Variants in VMP1 observed in about 807,000 individuals in gnomAD.
VMP1 encodes vacuole membrane protein 1.
In VMP1, 11 loss-of-function variants were observed where a neutral mutation model predicts 56.0. The observed-to-expected ratio is 0.20, with a 90% CI of 0.12 to 0.32. VMP1 has a LOEUF of 0.32. Among genes scored for constraint, VMP1 ranks in the 10% least tolerant of loss-of-function variants. VMP1 has a pLI of 1.00. For missense variants in VMP1, 296 were observed against 490.3 expected, an observed-to-expected ratio of 0.60 and a Z score of 3.74; for synonymous variants, 149 against 165.0, an observed-to-expected ratio of 0.90 and a Z score of 0.74.
chr17:59,733,588 GCTA>G (rs1174891186), intron 2 of VMP1, among the ~76,000 whole-genome samples: 2 of 152,022 alleles, frequency 1.3e-5, no homozygotes, highest in African/African-American at 4.8e-5. Context: ...TGTGATCCCA[GCTA>G]CTCGGGAAGC....
intron 5 of VMP1, among the ~76,000 whole-genome samples, chr17:59,759,263 A>G (rs570588725): frequency 6.6e-6 from 1 of 152,300 alleles, no homozygotes; most frequent in African/African-American, 2.4e-5. Flanking sequence ...AACCCCAGCT[A>G]CTTGGGAGGC....
At chr17:59,818,149 T>G (rs1024262799) in intron 10 of VMP1, among the ~76,000 whole-genome samples, 2 of 152,136 alleles carry the variant, frequency 1.3e-5, no homozygotes, top group Non-Finnish European at 2.9e-5. Flanking sequence ...CCAAACTAGA[T>G]GCCAGATACA....
At chr17:59,750,806 A>G (rs1179188907) in intron 5 of VMP1, among the ~76,000 whole-genome samples, 1 of 152,124 alleles carries the variant, frequency 6.6e-6, no homozygotes, top group East Asian at 1.9e-4. Flanking sequence ...TCTACCTTGA[A>G]CAAATTTTGC....
chr17:59,743,354 G>A (rs891970668), intron 5 of VMP1, among the ~76,000 whole-genome samples: 1 of 151,820 alleles, frequency 6.6e-6, no homozygotes, highest in Non-Finnish European at 1.5e-5. Flanking sequence ...GGAATTATAG[G>A]GTATGATCCT....
intron 1 of VMP1, among the ~76,000 whole-genome samples, chr17:59,716,336 A>G (rs981800973): frequency 1.3e-5 from 2 of 152,222 alleles, no homozygotes; most frequent in Non-Finnish European, 2.9e-5. Context: ...CATAGATACT[A>G]CGTGAGTTTC....
rs547636516 is a variant in VMP1, at chr17:59,777,868, A to C, written c.714+3983A>C. Among the ~76,000 whole-genome samples, 39 of 152,078 alleles carry C rather than the reference A, an allele frequency of 2.6e-4. 1 individual carries two copies. In the South Asian group the frequency reaches 6.4e-3, roughly 25 times the overall value. On this transcript the variant is annotated intron_variant, in intron 7 of 11. Coordinates refer to ENST00000262291, the MANE Select transcript of VMP1 (RefSeq NM_030938.5). ...CAAAACAAAACAAAAAAACAAATAA[A>C]GTGTACTCTGATAGGTGCTCAGAAA...
At chr17:59,787,064 T>G (rs1487653119) in intron 7 of VMP1, among the ~76,000 whole-genome samples, 1 of 152,192 alleles carries the variant, frequency 6.6e-6, no homozygotes, top group African/African-American at 2.4e-5. Flanking sequence ...CCATCAAAAT[T>G]AAGCAATTTT....
intron 1 of VMP1, among the ~76,000 whole-genome samples, chr17:59,719,274 A>G (rs752750750): frequency 1.3e-5 from 2 of 151,930 alleles, no homozygotes; most frequent in Non-Finnish European, 2.9e-5. Context: ...ACCTGTGACC[A>G]TGCTACTGCA....
intron 10 of VMP1, among the ~76,000 whole-genome samples, chr17:59,833,647 C>T (rs561283048): frequency 6.6e-6 from 1 of 152,308 alleles, no homozygotes; most frequent in African/African-American, 2.4e-5. Flanking sequence ...AGTTATACAT[C>T]ATGTGAATAC....
intron 1 of VMP1, among the ~76,000 whole-genome samples, chr17:59,713,664 A>T (rs2034023000): frequency 6.7e-6 from 1 of 148,482 alleles, no homozygotes; most frequent in Non-Finnish European, 1.5e-5. Context: ...CCTGGACAAC[A>T]TGGCAAAACC....
chr17:59,764,568 C>T (rs977888493), intron 5 of VMP1, among the ~76,000 whole-genome samples: 9 of 152,304 alleles, frequency 5.9e-5, no homozygotes, highest in African/African-American at 2.2e-4. Context: ...AAGCAGTCAT[C>T]CTGGCTCAGC....
chr17:59,785,460 G>C (rs1467661438), intron 7 of VMP1, among the ~76,000 whole-genome samples: 1 of 152,046 alleles, frequency 6.6e-6, no homozygotes, highest in Non-Finnish European at 1.5e-5. Context: ...GATCATTTGA[G>C]GTCAGGGGCT....
intron 7 of VMP1, among the ~76,000 whole-genome samples, chr17:59,791,625 C>T (rs1009350456): frequency 3.3e-5 from 5 of 150,950 alleles, no homozygotes; most frequent in Non-Finnish European, 5.9e-5. Flanking sequence ...CCACCACGCC[C>T]GGCTAATTTT....
intron 6 of VMP1, among the ~76,000 whole-genome samples, chr17:59,766,187 C>T (rs532789564): frequency 2.0e-5 from 3 of 152,064 alleles, no homozygotes; most frequent in South Asian, 2.1e-4. Context: ...GTGATCCTCC[C>T]GTATGTCTTA....
chr17:59,727,174 G>A (rs779511722), intron 1 of VMP1, among the ~76,000 whole-genome samples: 9 of 151,048 alleles, frequency 6.0e-5, no homozygotes, highest in Non-Finnish European at 1.2e-4. Context: ...GCTCTGTCTC[G>A]CCCATGCTGG....
At chr17:59,711,366 T>C (rs890649033) in intron 1 of VMP1, among the ~76,000 whole-genome samples, 7 of 152,160 alleles carry the variant, frequency 4.6e-5, no homozygotes, top group Non-Finnish European at 1.0e-4. Context: ...CTACTGTCAT[T>C]CCTGTTTTTG....
intron 7 of VMP1, among the ~76,000 whole-genome samples, chr17:59,779,796 A>G (rs2036755800): frequency 6.6e-6 from 1 of 152,240 alleles, no homozygotes; most frequent in Admixed American, 6.5e-5. Context: ...TACATTGGCT[A>G]GAATATCAGA....
At position 59,811,718 on chromosome 17, in the gene VMP1, C is replaced by A. The variant is rs2038056328; in HGVS notation, c.844C>A (p.Leu282Met). 1 of 1,613,870 alleles carries A rather than the reference C, an allele frequency of 6.2e-7. No homozygotes were observed. Among genetic ancestry groups the A allele is most frequent in the Non-Finnish European group, 8.5e-7 (1 of 1,179,956 alleles). ...DLAGITCGHFLVPFWTFFGAT... is the reference protein window; with the variant it reads ...DLAGITCGHFMVPFWTFFGAT... The stretch of plus-strand genomic sequence containing the variant: ...GGCTGGAATAACGTGTGGACACTTT[C>A]TGGTACCTTTTTGGACCTTCTTTGG... The change falls in exon 9 of 12, where the codon CTG (leucine) becomes ATG (methionine). Residue 282 changes from leucine to methionine, a missense_variant. Coordinates refer to ENST00000262291, the MANE Select transcript of VMP1 (RefSeq NM_030938.5).
At chr17:59,759,999 G>A (rs1176644641) in intron 5 of VMP1, among the ~76,000 whole-genome samples, 2 of 146,996 alleles carry the variant, frequency 1.4e-5, no homozygotes, top group Non-Finnish European at 3.0e-5. Flanking sequence ...AGTGATGCAT[G>A]CCTGTGGTCC....
Sources: gnomAD v4.1 joint callset for allele counts (sites outside exome capture counted in the v4.1 genomes callset) on GRCh38, gnomAD v4.1.1 for gene constraint, MANE v1.5 for transcripts, NCBI Gene and HGNC (gene_info 2026-07-23, HGNC 2026-07-21) for gene names.